SIK2: variants seen among roughly 807,000 people sequenced by gnomAD.
SIK2 encodes the protein serine/threonine-protein kinase SIK2.
A neutral mutation model predicts 103.2 loss-of-function variants in SIK2; 29 were observed. The ratio of observed to expected loss-of-function variants is 0.28; its 90% CI spans 0.21 to 0.38. The LOEUF is 0.38. Ranked by LOEUF, SIK2 falls within the 10% of genes least tolerant of loss-of-function variation. The pLI is 1.00. For missense variants in SIK2, 879 were observed against 1,171.0 expected (o/e 0.75, Z 3.64); for synonymous variants, 412 against 446.1 (o/e 0.92, Z 0.96).
intron 3 of SIK2, among the ~76,000 whole-genome samples, chr11:111,676,529 T>G (rs1354961057): frequency 6.6e-6 from 1 of 152,210 alleles, no homozygotes. Context: ...TGAGCACATT[T>G]CTGAATGAAC....
At position 111,727,528 on chromosome 11, in the gene SIK2, AC is replaced by A. The variant is rs149149672; in HGVS notation, c.*3406del. 6.7e-5 allele frequency: 11 copies of A among 164,528 alleles called. No homozygotes were observed. Among genetic ancestry groups the A allele is most frequent in the South Asian group, 3.4e-4 (2 of 5,870 alleles). 10.2% of individuals were successfully genotyped at this position (164,528 alleles called of 1,614,324 possible). On this transcript the variant is annotated 3_prime_UTR_variant, in exon 15 of 15. Transcript: ENST00000304987. ...GCATTTTGATGGGGAGCAAGGGGGG[AC>A]CCCCCCTGTAGGAGTATCGGCCTCT... is the stretch of plus-strand genomic sequence containing the variant.
At chr11:111,657,682 C>T (rs1382364982) in intron 3 of SIK2, among the ~76,000 whole-genome samples, 1 of 152,154 alleles carries the variant, frequency 6.6e-6, no homozygotes, top group Non-Finnish European at 1.5e-5. Context: ...AGCCACCATG[C>T]CTGGCCAGAG....
At chr11:111,640,422 G>A (rs945707085) in intron 3 of SIK2, among the ~76,000 whole-genome samples, 2 of 151,908 alleles carry the variant, frequency 1.3e-5, no homozygotes, top group African/African-American at 4.8e-5. Context: ...TAAATATTGG[G>A]GGTTCTTAAA....
intron 3 of SIK2, among the ~76,000 whole-genome samples, chr11:111,662,852 T>G (rs1942485419): frequency 6.6e-6 from 1 of 151,982 alleles, no homozygotes; most frequent in Non-Finnish European, 1.5e-5. Flanking sequence ...CACTCCAGCC[T>G]GGGAGATGGG....
chr11:111,707,184 TG>T (rs1192350926), intron 8 of SIK2, among the ~76,000 whole-genome samples: 5 of 152,176 alleles, frequency 3.3e-5, no homozygotes, highest in African/African-American at 1.2e-4. Context: ...GATAGGAAGC[TG>T]GAAAGCCCCC....
chr11:111,660,899 G>T (rs1448380168), intron 3 of SIK2, among the ~76,000 whole-genome samples: 1 of 127,098 alleles, frequency 7.9e-6, no homozygotes, highest in Admixed American at 9.5e-5. Flanking sequence ...AGGTCACACT[G>T]TAGTTTCCCA....
chr11:111,641,139 G>T (rs1354194592), intron 3 of SIK2, among the ~76,000 whole-genome samples: 1 of 152,030 alleles, frequency 6.6e-6, no homozygotes, highest in Non-Finnish European at 1.5e-5. Context: ...TTTTGTGACT[G>T]TTTTCTTTTC....
intron 3 of SIK2, among the ~76,000 whole-genome samples, chr11:111,686,809 C>T (rs1942852655): frequency 6.6e-6 from 1 of 152,084 alleles, no homozygotes; most frequent in Non-Finnish European, 1.5e-5. Flanking sequence ...ATATATTTGT[C>T]TTACAGTTGA....
intron 14 of SIK2, 74 bp from the exon 15 acceptor site, chr11:111,723,422 G>T: frequency 6.9e-7 from 1 of 1,443,294 alleles, no homozygotes; most frequent in Non-Finnish European, 9.4e-7. Context: ...GCTAGTGACT[G>T]GTATTGCATT....
At chr11:111,717,851 T>A (rs943272175) in intron 9 of SIK2, among the ~76,000 whole-genome samples, 2 of 152,204 alleles carry the variant, frequency 1.3e-5, no homozygotes, top group Middle Eastern at 3.4e-3. Flanking sequence ...AAACACCACA[T>A]GTTCTCACGT....
At chr11:111,615,972 A>G (rs1941799811) in intron 1 of SIK2, among the ~76,000 whole-genome samples, 1 of 152,180 alleles carries the variant, frequency 6.6e-6, no homozygotes, top group Non-Finnish European at 1.5e-5. Flanking sequence ...TGTACAGGAG[A>G]AAAAAGACAT....
intron 8 of SIK2, among the ~76,000 whole-genome samples, chr11:111,706,158 A>T (rs1943340363): frequency 6.6e-6 from 1 of 150,918 alleles, no homozygotes; most frequent in African/African-American, 2.4e-5. Context: ...TATGACAATT[A>T]AATTAGTTAA....
rs528442746 is a variant in SIK2, at chr11:111,667,045, G to A, written c.317-20956G>A. Among the ~76,000 whole-genome samples, 12 of 151,256 alleles carry A rather than the reference G, an allele frequency of 7.9e-5. No individual in the cohort carries two copies. In the South Asian group the frequency reaches 1.7e-3, roughly 21 times the overall value. On this transcript the variant is annotated intron_variant, in intron 3 of 14. Coordinates refer to ENST00000304987, the MANE Select transcript of SIK2 (RefSeq NM_015191.3). ...TGCAGTGACACGATCTTGGCTCATCGCAACCTCCGCCTCCCAGGTTCAAGC... is the reference window on the plus strand; with the variant it reads ...TGCAGTGACACGATCTTGGCTCATCACAACCTCCGCCTCCCAGGTTCAAGC...
chr11:111,713,384 C>T (rs141428117), intron 9 of SIK2, among the ~76,000 whole-genome samples: 2 of 152,260 alleles, frequency 1.3e-5, no homozygotes, highest in African/African-American at 4.8e-5. Context: ...TAGACCTCCT[C>T]TTAGTGTGAA....
intron 3 of SIK2, among the ~76,000 whole-genome samples, chr11:111,644,165 A>T (rs557750311): frequency 6.6e-6 from 1 of 150,930 alleles, no homozygotes; most frequent in Non-Finnish European, 1.5e-5. Flanking sequence ...GACTTGTGCC[A>T]GTAGTCCCAG....
intron 3 of SIK2, chr11:111,671,946 G>T (rs1461080722): frequency 4.2e-6 from 2 of 481,740 alleles, no homozygotes; most frequent in Non-Finnish European, 8.1e-6. Context: ...GCCACCAAAG[G>T]GTGTTGATGT....
intron 7 of SIK2, among the ~76,000 whole-genome samples, 189 bp downstream of exon 7, chr11:111,703,612 C>T (rs185062542): frequency 3.0e-4 from 46 of 152,304 alleles, no homozygotes; most frequent in African/African-American, 1.1e-3. Context: ...CCTTTCTTTG[C>T]CCCCATCTGC....
At chr11:111,716,887 A>C (rs1007322402) in intron 9 of SIK2, among the ~76,000 whole-genome samples, 8 of 152,346 alleles carry the variant, frequency 5.3e-5, no homozygotes, top group African/African-American at 1.9e-4. Flanking sequence ...TATCCATCTG[A>C]CAAAGGTCTA....
At chr11:111,712,935 C>T (rs1271831010) in intron 9 of SIK2, among the ~76,000 whole-genome samples, 1 of 152,136 alleles carries the variant, frequency 6.6e-6, no homozygotes, top group African/African-American at 2.4e-5. Context: ...GAGGCCGAGG[C>T]GGGCAGATTG....
Sources: allele counts gnomAD v4.1 joint callset (sites outside exome capture counted in the v4.1 genomes callset), GRCh38; gene constraint gnomAD v4.1.1; transcripts MANE v1.5; gene names NCBI Gene and HGNC (gene_info 2026-07-23, HGNC 2026-07-21).